GSE1: variants seen among roughly 807,000 people sequenced by gnomAD.
GSE1 encodes the protein genetic suppressor element 1.
Under a neutral mutation model 112.6 loss-of-function variants are expected in GSE1, and 32 were observed. The ratio of observed to expected loss-of-function variants is 0.28; its 90% CI spans 0.21 to 0.38. GSE1 has a LOEUF of 0.38. GSE1 is among the 10% of genes least tolerant of loss of function. The pLI, the probability that GSE1 is intolerant of heterozygous loss-of-function variation, is 1.00. For synonymous variants in GSE1, 1,115 were observed against 735.6 expected (o/e 1.52, Z -8.35); for missense variants, 2,348 against 1,699.2 (o/e 1.38, Z -6.71).
At chr16:85,560,909 A>G (rs1261877754) in intron 1 of GSE1, among the ~76,000 whole-genome samples, 1 of 152,142 alleles carries the variant, frequency 6.6e-6, no homozygotes, top group African/African-American at 2.4e-5. Flanking sequence ...TGGGTGGATC[A>G]CTTGAGCCCA....
chr16:85,200,547 G>A (rs1328246156), intron 1 of GSE1, among the ~76,000 whole-genome samples: 1 of 152,080 alleles, frequency 6.6e-6, no homozygotes, highest in Non-Finnish European at 1.5e-5. Flanking sequence ...CTCTGGGCAG[G>A]TGTTTCCAGG....
chr16:85,583,765 C>T (rs944398021), intron 1 of GSE1, among the ~76,000 whole-genome samples: 6 of 152,180 alleles, frequency 3.9e-5, no homozygotes, highest in African/African-American at 7.2e-5. Flanking sequence ...ACCCGCCCCC[C>T]GTCCTCCTCC....
chr16:85,617,956 C>A (rs1257163101), intron 1 of GSE1, among the ~76,000 whole-genome samples: 1 of 152,164 alleles, frequency 6.6e-6, no homozygotes, highest in Non-Finnish European at 1.5e-5. Flanking sequence ...TGGCTGCTCT[C>A]TGGATGTCTG....
At chr16:85,246,574 C>T (rs1243674821) in intron 1 of GSE1, among the ~76,000 whole-genome samples, 3 of 149,244 alleles carry the variant, frequency 2.0e-5, no homozygotes, top group Non-Finnish European at 4.4e-5. Flanking sequence ...TTTATGTCCC[C>T]AGTCGTCTAA....
At chr16:85,401,617 C>T (rs576880684) in intron 2 of GSE1, among the ~76,000 whole-genome samples, 1 of 152,270 alleles carries the variant, frequency 6.6e-6, no homozygotes, top group South Asian at 2.1e-4. Context: ...CAACACTCTG[C>T]CGAGGCCAGG....
intron 2 of GSE1, among the ~76,000 whole-genome samples, chr16:85,547,551 T>C (rs964406879): frequency 6.6e-6 from 1 of 152,216 alleles, no homozygotes; most frequent in Admixed American, 6.5e-5. Context: ...AATTAATGTA[T>C]AATTTAATAC....
chr16:85,407,998 G>GC (rs1356790208), intron 2 of GSE1, among the ~76,000 whole-genome samples: 16 of 43,168 alleles, frequency 3.7e-4, no homozygotes, highest in African/African-American at 1.1e-3. Context: ...TACACTCAGG[G>GC]CCCCCTGGAT....
chr16:85,316,846 C>T (rs752051438), intron 1 of GSE1, among the ~76,000 whole-genome samples: 44 of 152,326 alleles, frequency 2.9e-4, no homozygotes, highest in Middle Eastern at 3.4e-3. Context: ...CAGGGAACCC[C>T]GCCCGGCGTG....
chr16:85,613,557 C>T (rs1485115942), intron 1 of GSE1, among the ~76,000 whole-genome samples, 159 bp downstream of exon 1: 1 of 151,986 alleles, frequency 6.6e-6, no homozygotes. Flanking sequence ...GGCGGGCAGG[C>T]GACCAAAGGC....
At chr16:85,352,704 A>G (rs1254703733) in intron 1 of GSE1, among the ~76,000 whole-genome samples, 1 of 152,204 alleles carries the variant, frequency 6.6e-6, no homozygotes, top group African/African-American at 2.4e-5. Context: ...TCCACCTTCA[A>G]GATGGTGCTG....
intron 2 of GSE1, among the ~76,000 whole-genome samples, chr16:85,644,167 A>AAAAC (rs375506689): frequency 7.2e-4 from 109 of 151,958 alleles, no homozygotes; most frequent in African/African-American, 2.3e-3. Context: ...GTCTCTACCA[A>AAAAC]AAACAAACAA....
chr16:85,657,414 A>G lies in GSE1; in HGVS notation c.1450A>G (p.Thr484Ala), dbSNP rs1436811103. 9.3e-6 allele frequency: 15 copies of G among 1,612,608 alleles called. No homozygotes were observed. Among genetic ancestry groups the G allele is most frequent in the Non-Finnish European group, 1.3e-5 (15 of 1,179,816 alleles). Residue 484 changes from threonine (T) to alanine (A), a missense_variant, in exon 8 of 16, where the codon ACA (threonine) becomes GCA (alanine). Coordinates refer to ENST00000253458, the MANE Select transcript of GSE1 (RefSeq NM_014615.5). ...IFSLPSSSAA[T>A]ALLIQRTNEE... ...CTCTCTGCCTAGCAGCAGTGCTGCCACAGCCCTGCTGATCCAGCGCACCAA... is the reference window on the plus strand; with the variant it reads ...CTCTCTGCCTAGCAGCAGTGCTGCCGCAGCCCTGCTGATCCAGCGCACCAA...
chr16:85,631,713 G>C (rs1202040653), intron 1 of GSE1, among the ~76,000 whole-genome samples: 1 of 152,246 alleles, frequency 6.6e-6, no homozygotes, highest in East Asian at 1.9e-4. Flanking sequence ...ATGCTCAGGG[G>C]AGTGACCTCA....
Position 85,299,048 on chromosome 16 carries a change from G to C in GSE1, c.2284-58415G>C, listed in dbSNP as rs115662314. The stretch of plus-strand genomic sequence containing the variant: ...GGTGTGAGGATGCTTCCTGACATTC[G>C]TGACCCTGGTTCCTCTGTGGGGCGT... On this transcript the variant is annotated intron_variant, in intron 1 of 2. Coordinates refer to the GSE1 transcript ENST00000637419. Among the ~76,000 whole-genome samples the C allele has an allele frequency of 2.2e-3, 340 of 152,302 alleles. 1 individual carries two copies. Among genetic ancestry groups the C allele is most frequent in the African/African-American group, 7.6e-3 (314 of 41,546 alleles).
chr16:85,331,439 ATGCG>A, intron 1 of GSE1, among the ~76,000 whole-genome samples: 2 of 139,976 alleles, frequency 1.4e-5, no homozygotes, highest in Non-Finnish European at 3.1e-5. Context: ...ATGTATATAT[ATGCG>A]TATATATGTA....
chr16:85,382,090 G>A (rs543203900), intron 2 of GSE1, among the ~76,000 whole-genome samples: 9 of 152,342 alleles, frequency 5.9e-5, no homozygotes, highest in Admixed American at 3.3e-4. Context: ...TGGCTCCTCC[G>A]CTGTGATCAA....
intron 1 of GSE1, among the ~76,000 whole-genome samples, chr16:85,210,448 T>C (rs924678030): frequency 2.0e-5 from 3 of 152,092 alleles, no homozygotes; most frequent in Non-Finnish European, 4.4e-5. Context: ...ACAAAAAAAT[T>C]AGCCGGGCAT....
chr16:85,334,141 T>G (rs1272267710), intron 1 of GSE1, among the ~76,000 whole-genome samples: 1 of 152,154 alleles, frequency 6.6e-6, no homozygotes, highest in Non-Finnish European at 1.5e-5. Flanking sequence ...CCACGCGGCC[T>G]TCCTCGTCCC....
intron 2 of GSE1, among the ~76,000 whole-genome samples, chr16:85,400,218 T>C (rs2048064994): frequency 6.6e-6 from 1 of 151,994 alleles, no homozygotes; most frequent in African/African-American, 2.4e-5. Flanking sequence ...TTTGGGATCA[T>C]CAAAGAGATG....
Sources: gnomAD v4.1 joint callset for allele counts (sites outside exome capture counted in the v4.1 genomes callset) on GRCh38, gnomAD v4.1.1 for gene constraint, MANE v1.5 for transcripts, NCBI Gene and HGNC (gene_info 2026-07-23, HGNC 2026-07-21) for gene names.